The following LRRIQ3 variants were observed in gnomAD, a reference collection of about 807,000 sequenced individuals.
LRRIQ3 encodes leucine-rich repeat and IQ domain-containing protein 3.
In LRRIQ3, 75 loss-of-function variants were observed where a neutral mutation model predicts 59.3. The observed-to-expected ratio is 1.26, with a 90% confidence interval of 1.05 to 1.53. The LOEUF (loss-of-function observed/expected upper bound fraction) is 1.53, where lower values mean the gene tolerates loss of function less well. Ranked by LOEUF, LRRIQ3 falls within the 40% of genes most tolerant of loss-of-function variation. The pLI is 0.00. For missense variants in LRRIQ3, 831 were observed against 710.0 expected, an observed-to-expected ratio of 1.17 and a Z score of -1.94; for synonymous variants, 250 against 231.3, an observed-to-expected ratio of 1.08 and a Z score of -0.73.
At chr1:74,101,230 C>T (rs1180412833) in intron 5 of LRRIQ3, among the ~76,000 whole-genome samples, 1 of 152,100 alleles carries the variant, frequency 6.6e-6, no homozygotes, top group Non-Finnish European at 1.5e-5. Context: ...CAAACAACCC[C>T]ATCAAAAAGT....
intron 3 of LRRIQ3, among the ~76,000 whole-genome samples, chr1:74,172,857 C>T (rs908274769): frequency 6.6e-6 from 1 of 152,088 alleles, no homozygotes; most frequent in Non-Finnish European, 1.5e-5. Flanking sequence ...TTAAAGCCTA[C>T]TTTTTTAATA....
chr1:74,123,956 A>T (rs1236868626), intron 4 of LRRIQ3, among the ~76,000 whole-genome samples: 1 of 151,952 alleles, frequency 6.6e-6, no homozygotes, highest in Non-Finnish European at 1.5e-5. Flanking sequence ...ACAGAGATAT[A>T]GTAACCAAAA....
At chr1:74,035,923 C>A (rs1041738498) in intron 7 of LRRIQ3, among the ~76,000 whole-genome samples, 6 of 152,190 alleles carry the variant, frequency 3.9e-5, no homozygotes, top group Admixed American at 6.5e-5. Context: ...TCTCACCTCT[C>A]TGCTTTTCCA....
chr1:74,165,697 A>T (rs1169788191), intron 3 of LRRIQ3, among the ~76,000 whole-genome samples: 1 of 151,610 alleles, frequency 6.6e-6, no homozygotes, highest in Non-Finnish European at 1.5e-5. Context: ...CATTAAGCAT[A>T]ATGTTAGTTG....
chr1:74,060,221 GTTCTTCTTC>G (rs773201991), intron 6 of LRRIQ3, among the ~76,000 whole-genome samples: 132 of 53,624 alleles, frequency 2.5e-3, no homozygotes, highest in South Asian at 0.013. Flanking sequence ...TCTTCTTCTT[GTTCTTCTTC>G]TTCTTCTTCT....
intron 6 of LRRIQ3, among the ~76,000 whole-genome samples, chr1:74,069,665 C>A (rs1318601006): frequency 6.6e-6 from 1 of 151,896 alleles, no homozygotes; most frequent in Non-Finnish European, 1.5e-5. Flanking sequence ...AAGTAAATTA[C>A]CATTTATTTG....
intron 5 of LRRIQ3, among the ~76,000 whole-genome samples, chr1:74,099,557 A>G (rs1474700126): frequency 3.4e-4 from 51 of 152,154 alleles, no homozygotes; most frequent in African/African-American, 1.2e-3. Flanking sequence ...CTCATTTTAT[A>G]AGGCCAGCAT....
chr1:74,138,579 G>C (rs978154014), intron 4 of LRRIQ3: 89 of 747,302 alleles, frequency 1.2e-4, no homozygotes, highest in Non-Finnish European at 1.4e-4. Context: ...AATGGCCTTT[G>C]TTTAAACAAA....
chr1:74,043,814 T>G (rs1427587827), intron 6 of LRRIQ3, among the ~76,000 whole-genome samples: 1 of 152,084 alleles, frequency 6.6e-6, no homozygotes, highest in Non-Finnish European at 1.5e-5. Context: ...TGAAGAATAG[T>G]TTCCATTTTT....
intron 6 of LRRIQ3, among the ~76,000 whole-genome samples, chr1:74,052,472 T>C (rs1346308764): frequency 6.6e-6 from 1 of 152,150 alleles, no homozygotes; most frequent in East Asian, 1.9e-4. Flanking sequence ...TGAAATCTGC[T>C]TGGCACTGAG....
intron 3 of LRRIQ3, among the ~76,000 whole-genome samples, chr1:74,163,481 C>CT (rs1266399826): frequency 2.6e-5 from 4 of 151,538 alleles, no homozygotes; most frequent in Non-Finnish European, 4.4e-5. Context: ...AGTGAGTACT[C>CT]TAAGTGTGCT....
At chr1:74,190,531 T>C (rs1171587821) in intron 1 of LRRIQ3, among the ~76,000 whole-genome samples, 1 of 151,522 alleles carries the variant, frequency 6.6e-6, no homozygotes, top group Non-Finnish European at 1.5e-5. Context: ...CTTCTAAATG[T>C]GTAACATACG....
chr1:74,174,239 T>C (rs1274068330), intron 3 of LRRIQ3, among the ~76,000 whole-genome samples: 2 of 152,020 alleles, frequency 1.3e-5, no homozygotes, highest in African/African-American at 4.8e-5. Context: ...TCTCTCTGAC[T>C]GGACACTTTC....
At chr1:74,050,156 T>A (rs1300678393) in intron 6 of LRRIQ3, among the ~76,000 whole-genome samples, 1 of 152,010 alleles carries the variant, frequency 6.6e-6, no homozygotes, top group Non-Finnish European at 1.5e-5. Flanking sequence ...ACTCCTGACC[T>A]CATGATCTGC....
chr1:74,059,763 T>C (rs1423664671), intron 6 of LRRIQ3, among the ~76,000 whole-genome samples: 3 of 152,108 alleles, frequency 2.0e-5, no homozygotes, highest in African/African-American at 7.2e-5. Context: ...TAGGGATTGC[T>C]TGTATCTCTA....
chr1:74,095,820 T>C (rs1177318398), intron 5 of LRRIQ3, among the ~76,000 whole-genome samples: 1 of 152,084 alleles, frequency 6.6e-6, no homozygotes, highest in African/African-American at 2.4e-5. Context: ...AATCATATAG[T>C]TATATTTAAA....
intron 3 of LRRIQ3, among the ~76,000 whole-genome samples, chr1:74,169,954 T>G (rs1649220994): frequency 6.6e-6 from 1 of 152,184 alleles, no homozygotes; most frequent in Non-Finnish European, 1.5e-5. Context: ...TATGTATTCA[T>G]TTTTATGTAT....
intron 7 of LRRIQ3, among the ~76,000 whole-genome samples, chr1:74,031,281 T>C (rs1653702429): frequency 2.0e-5 from 3 of 152,162 alleles, no homozygotes; most frequent in Admixed American, 2.0e-4. Context: ...CAAAGGATTA[T>C]AAATCATGCT....
intron 4 of LRRIQ3, among the ~76,000 whole-genome samples, chr1:74,147,021 A>G (rs550729949): frequency 5.3e-5 from 8 of 152,300 alleles, no homozygotes; most frequent in African/African-American, 1.9e-4. Flanking sequence ...TGAGCCCAGG[A>G]GTTGGAGACC....
Sources: allele counts gnomAD v4.1 joint callset (sites outside exome capture counted in the v4.1 genomes callset), GRCh38; gene constraint gnomAD v4.1.1; transcripts MANE v1.5; gene names NCBI Gene and HGNC (gene_info 2026-07-23, HGNC 2026-07-21).